Variants in FAM78B observed in about 807,000 individuals in gnomAD.
FAM78B encodes family with sequence similarity 78 member B.
FAM78B carries 10 observed loss-of-function variants against 20.0 expected under a neutral mutation model. The ratio of observed to expected loss-of-function variants is 0.50; its 90% CI spans 0.31 to 0.85. FAM78B has a LOEUF of 0.85. FAM78B is among the 40% of genes least tolerant of loss of function. FAM78B has a pLI of 0.05. For missense variants in FAM78B, 283 were observed against 345.0 expected, an observed-to-expected ratio of 0.82 and a Z score of 1.42; for synonymous variants, 135 against 132.8, an observed-to-expected ratio of 1.02 and a Z score of -0.12.
chr1:166,154,647 G>T lies in FAM78B; in HGVS notation c.263+11339C>A, dbSNP rs888834801. Reference sequence around the variant, plus strand: ...CAGCAAACCTGGCTGGGGGGCAGGGGCAGGCAGTGATGAAAAAACAGGGGG... The same window carrying T: ...CAGCAAACCTGGCTGGGGGGCAGGGTCAGGCAGTGATGAAAAAACAGGGGG... On this transcript the variant is annotated intron_variant, in intron 1 of 1. Coordinates refer to ENST00000354422, the MANE Select transcript of FAM78B (RefSeq NM_001017961.5). 1.4e-5 allele frequency: 7 copies of T among 497,444 alleles called. No homozygotes were observed. In the East Asian group the frequency reaches 4.0e-4, roughly 28 times the overall value. The allele number at this position is 497,444 out of a possible 1,614,324, so 30.8% of individuals were successfully genotyped here. A position where few individuals can be genotyped will look rare whatever the true frequency, so the allele number is the denominator to read the frequency against.
chr1:166,063,665 T>A (rs903909694), intron 2 of FAM78B, among the ~76,000 whole-genome samples: 7 of 152,284 alleles, frequency 4.6e-5, no homozygotes, highest in Middle Eastern at 6.8e-3. Flanking sequence ...TTCCTCTCTG[T>A]TCCTAGTAAT....
rs2101808955 is a variant in FAM78B at position 166,163,866 on chromosome 1, T to C, written c.263+2120A>G. On this transcript the variant is annotated intron_variant, in intron 1 of 1. Coordinates refer to ENST00000354422, the MANE Select transcript of FAM78B (RefSeq NM_001017961.5). ...GGGGGTCTATTTTTGCTCTCCTACA[T>C]CTACATGAAAACCAAGAATCTTAAA... 2.0e-5 allele frequency among the ~76,000 whole-genome samples: 3 copies of C among 152,314 alleles called. No homozygotes were observed. In the East Asian group the frequency reaches 5.8e-4, roughly 29 times the overall value.
intron 1 of FAM78B, among the ~76,000 whole-genome samples, chr1:166,108,015 C>T (rs190962682): frequency 2.0e-5 from 3 of 152,190 alleles, no homozygotes; most frequent in East Asian, 1.9e-4. Flanking sequence ...AAACCATCTA[C>T]GACAAACCCA....
intron 1 of FAM78B, among the ~76,000 whole-genome samples, chr1:166,141,718 G>C (rs1655285245): frequency 6.6e-6 from 1 of 152,232 alleles, no homozygotes; most frequent in Non-Finnish European, 1.5e-5. Flanking sequence ...TGATAGATAA[G>C]TGGCAGTTAC....
rs568442323 is a variant in FAM78B at position 166,078,145 on chromosome 1, C to T, written c.264-7382G>A. ...CTCTTGGGTTCAAGCAATTCTTCTGCCTCAGACTCCCGAGTAGCTGGGACT... is the reference window on the plus strand; with the variant it reads ...CTCTTGGGTTCAAGCAATTCTTCTGTCTCAGACTCCCGAGTAGCTGGGACT... On this transcript the variant is annotated intron_variant, in intron 1 of 1. Coordinates refer to ENST00000354422, the MANE Select transcript of FAM78B (RefSeq NM_001017961.5). 8.3e-3 allele frequency among the ~76,000 whole-genome samples: 1,259 copies of T among 151,574 alleles called. 24 individuals carry two copies. Among genetic ancestry groups the T allele is most frequent in the African/African-American group, 0.03 (1,219 of 41,240 alleles).
At chr1:166,103,899 A>T (rs976572414) in intron 1 of FAM78B, among the ~76,000 whole-genome samples, 2 of 152,208 alleles carry the variant, frequency 1.3e-5, no homozygotes, top group Non-Finnish European at 2.9e-5. Flanking sequence ...AGACACAAAA[A>T]TAAAAGAGAA....
chr1:166,143,452 G>A (rs1481379106), intron 1 of FAM78B, among the ~76,000 whole-genome samples: 1 of 152,160 alleles, frequency 6.6e-6, no homozygotes, highest in African/African-American at 2.4e-5. Flanking sequence ...GATGTTTCTG[G>A]TTCCCTATCT....
In FAM78B at chr1:166,112,617, A is replaced by C. The variant is rs138065730; in HGVS notation, c.264-41854T>G. Reference sequence around the variant, plus strand: ...CTGCTCCTTTCTGAGGAGCCTTATTATTCAAGGAGTGGCTAGAATATGCTG... The same window carrying C: ...CTGCTCCTTTCTGAGGAGCCTTATTCTTCAAGGAGTGGCTAGAATATGCTG... On this transcript the variant is annotated intron_variant, in intron 1 of 1. Coordinates refer to ENST00000354422, the MANE Select transcript of FAM78B (RefSeq NM_001017961.5). 5.0e-3 allele frequency among the ~76,000 whole-genome samples: 754 copies of C among 152,298 alleles called. 10 individuals carry two copies. Among genetic ancestry groups the C allele is most frequent in the African/African-American group, 0.017 (727 of 41,574 alleles).
At chr1:166,165,838 G>C (rs12740398) in intron 1 of FAM78B, 148 bp downstream of exon 1, 13 of 868,756 alleles carry the variant, frequency 1.5e-5, no homozygotes, top group Non-Finnish European at 2.3e-5. Flanking sequence ...CAAAAGCGTA[G>C]GGAGGAGGGA....
downstream of FAM78B, among the ~76,000 whole-genome samples, chr1:166,068,310 C>T (rs1157932173): frequency 6.6e-6 from 1 of 152,160 alleles, no homozygotes; most frequent in African/African-American, 2.4e-5. Context: ...AACAAGGAAA[C>T]ATGGGAAGGG....
intron 1 of FAM78B, among the ~76,000 whole-genome samples, chr1:166,102,341 T>C (rs1346620546): frequency 3.3e-5 from 5 of 152,136 alleles, no homozygotes; most frequent in Admixed American, 6.5e-5. Context: ...ATGACAGGAT[T>C]AAATTCACAC....
rs149361404 is a variant in FAM78B at position 166,072,227 on chromosome 1, A to G, written c.264-1464T>C. ...TATCACATGGGGACATGGAGACACT[A>G]ACCACTGCCTCCTACTGACCCCCTA... On this transcript the variant is annotated intron_variant, in intron 1 of 1. Coordinates refer to ENST00000354422, the MANE Select transcript of FAM78B (RefSeq NM_001017961.5). Among the ~76,000 whole-genome samples, 36 of 152,266 alleles carry G rather than the reference A, an allele frequency of 2.4e-4. 1 individual carries two copies. The East Asian group carries it at 5.8e-3, about 24-fold the overall frequency.
downstream of FAM78B, among the ~76,000 whole-genome samples, chr1:166,064,867 G>A (rs1218281805): frequency 6.6e-6 from 1 of 152,222 alleles, no homozygotes; most frequent in Admixed American, 6.5e-5. Context: ...TCAGGTAACA[G>A]AGAAGGAAAC....
chr1:166,086,336 CAAAG>C lies in FAM78B; in HGVS notation c.264-15577_264-15574del, dbSNP rs201072054. On this transcript the variant is annotated intron_variant, in intron 1 of 1. Transcript: ENST00000354422. Reference sequence around the variant, plus strand: ...TGACACTAGAGCAGAGGAATGTCCCCAAAGAAAGCACAGTGGCAGAAGGGCAGGA... The same window carrying C: ...TGACACTAGAGCAGAGGAATGTCCCCAAAGCACAGTGGCAGAAGGGCAGGA... 5.2e-3 allele frequency among the ~76,000 whole-genome samples: 797 copies of C among 152,248 alleles called. 34 individuals carry two copies. Among genetic ancestry groups the C allele is most frequent in the Admixed American group, 0.049 (747 of 15,288 alleles).
At chr1:166,063,116 A>C (rs1318591351) in intron 2 of FAM78B, among the ~76,000 whole-genome samples, 1 of 152,226 alleles carries the variant, frequency 6.6e-6, no homozygotes, top group East Asian at 1.9e-4. Flanking sequence ...AGAACTAAGC[A>C]GGCATTTCCC....
chr1:166,072,255 G>C (rs1476092045), intron 1 of FAM78B, among the ~76,000 whole-genome samples: 1 of 152,266 alleles, frequency 6.6e-6, no homozygotes. Flanking sequence ...ACCCCCTACA[G>C]TACCTCCTAG....
At chr1:166,155,896 C>G in intron 1 of FAM78B, among the ~76,000 whole-genome samples, 1 of 152,202 alleles carries the variant, frequency 6.6e-6, no homozygotes, top group East Asian at 1.9e-4. Context: ...AGCCCCCATG[C>G]AGAGGGCAAA....
At position 166,165,973 on chromosome 1, in the gene FAM78B, G is replaced by A; in HGVS notation, c.263+13C>T. On this transcript the variant is annotated intron_variant, in intron 1 of 1. Transcript: ENST00000354422. ...CCAGAGTCCGCTCCCGTGCCGCGCGGCGAGTCGCTTACATGCCCAGGTCGC... is the reference window on the plus strand; with the variant it reads ...CCAGAGTCCGCTCCCGTGCCGCGCGACGAGTCGCTTACATGCCCAGGTCGC... The A allele has an allele frequency of 6.2e-7, 1 of 1,613,558 alleles. No homozygotes were observed. Among genetic ancestry groups the A allele is most frequent in the Non-Finnish European group, 8.5e-7 (1 of 1,179,896 alleles).
At chr1:166,128,282 C>T (rs894149326) in intron 1 of FAM78B, among the ~76,000 whole-genome samples, 1 of 152,070 alleles carries the variant, frequency 6.6e-6, no homozygotes, top group Non-Finnish European at 1.5e-5. Flanking sequence ...ATTTATTCCT[C>T]ACTCCACAAA....
Sources: allele counts gnomAD v4.1 joint callset (sites outside exome capture counted in the v4.1 genomes callset), GRCh38; gene constraint gnomAD v4.1.1; transcripts MANE v1.5; gene names NCBI Gene and HGNC (gene_info 2026-07-23, HGNC 2026-07-21).